The following PSORS1C1 variants were observed in gnomAD, a reference collection of about 807,000 sequenced individuals.
PSORS1C1 encodes psoriasis susceptibility 1 candidate 1, also known as psoriasis susceptibility 1 candidate gene 1 protein.
PSORS1C1 carries 7 observed loss-of-function variants against 9.4 expected under a neutral mutation model. That is an observed-to-expected ratio of 0.75 (90% CI 0.42 to 1.40). PSORS1C1 has a LOEUF of 1.40. Among genes scored for constraint, PSORS1C1 ranks in the 40% most tolerant of loss-of-function variants. PSORS1C1 has a pLI of 0.01. For missense variants in PSORS1C1, 146 were observed against 178.1 expected, an observed-to-expected ratio of 0.82 and a Z score of 1.02; for synonymous variants, 63 against 69.4, an observed-to-expected ratio of 0.91 and a Z score of 0.46.
chr6:31,120,559 G>C, intron 1 of PSORS1C1: 1 of 745,840 alleles, frequency 1.3e-6, no homozygotes, highest in Non-Finnish European at 2.3e-6. Context: ...GGGGAAGTTG[G>C]TGTGGCCGGG....
chr6:31,120,976 T>A (rs1176591936), intron 1 of PSORS1C1, among the ~76,000 whole-genome samples: 1 of 138,360 alleles, frequency 7.2e-6, no homozygotes, highest in Non-Finnish European at 1.5e-5. Flanking sequence ...ACTTTCCTCC[T>A]TCAAATATGA....
intron 3 of PSORS1C1, 69 bp from the exon 4 acceptor site, chr6:31,138,361 C>T (rs1215190716): frequency 2.5e-6 from 4 of 1,593,264 alleles, no homozygotes; most frequent in Middle Eastern, 1.7e-4. Flanking sequence ...CTCCCCAGCC[C>T]CACCCAGCCC....
At chr6:31,117,072 G>A in intron 1 of PSORS1C1, 6 of 1,614,212 alleles carry the variant, frequency 3.7e-6, no homozygotes, top group Non-Finnish European at 4.2e-6. Context: ...CGCGGTAAGA[G>A]TTGTCATTGG....
intron 3 of PSORS1C1, among the ~76,000 whole-genome samples, chr6:31,137,100 A>T (rs1339282156): frequency 6.6e-6 from 1 of 151,682 alleles, no homozygotes; most frequent in Non-Finnish European, 1.5e-5. Context: ...GTGAGCCGAG[A>T]TCGTGCCATT....
intron 2 of PSORS1C1, among the ~76,000 whole-genome samples, chr6:31,127,174 C>CCGGAAAG (rs1772717119): frequency 6.6e-6 from 1 of 152,148 alleles, no homozygotes; most frequent in Non-Finnish European, 1.5e-5. Context: ...AGAGGAGAGG[C>CCGGAAAG]CGGAAAGACT....
rs756538487 is a variant in PSORS1C1 at position 31,116,945 on chromosome 6, C to T, written c.-229+2054C>T. 5 of 1,614,122 alleles carry T rather than the reference C, an allele frequency of 3.1e-6. No individual in the cohort carries two copies. The East Asian group carries it at 6.7e-5, about 22-fold the overall frequency. ...ATGGGCCCTCCACTGCAGGGAGAGT[C>T]GGGGATGTCCGAACTACAGGGACGC... On this transcript the variant is annotated intron_variant, in intron 1 of 5. Transcript: ENST00000259881.
chr6:31,116,885 G>A, intron 1 of PSORS1C1: 1 of 1,614,064 alleles, frequency 6.2e-7, no homozygotes, highest in Non-Finnish European at 8.5e-7. Flanking sequence ...GACACAGAGT[G>A]GGAGCTGGGG....
chr6:31,123,992 C>T (rs1054949343), intron 1 of PSORS1C1, among the ~76,000 whole-genome samples: 5 of 152,236 alleles, frequency 3.3e-5, no homozygotes, highest in African/African-American at 9.6e-5. Flanking sequence ...TGTGGTGCTT[C>T]AGGTGTATTT....
intron 1 of PSORS1C1, chr6:31,117,857 G>A: frequency 2.8e-6 from 1 of 361,934 alleles, no homozygotes; most frequent in Non-Finnish European, 5.1e-6. Context: ...CCAGCACTTT[G>A]GGAGGCCGAG....
chr6:31,117,078 A>G (rs758459403), intron 1 of PSORS1C1: 2 of 1,614,188 alleles, frequency 1.2e-6, no homozygotes, highest in Admixed American at 3.3e-5. Flanking sequence ...AAGAGTTGTC[A>G]TTGGTTGGCA....
chr6:31,123,279 C>A (rs183938670), intron 1 of PSORS1C1, among the ~76,000 whole-genome samples: 7 of 152,364 alleles, frequency 4.6e-5, no homozygotes, highest in Admixed American at 1.3e-4. Flanking sequence ...CCTGTGGGCC[C>A]TTGAGCTCTA....
intron 1 of PSORS1C1, among the ~76,000 whole-genome samples, chr6:31,122,825 T>C (rs9295954): frequency 0.025 from 3,842 of 152,120 alleles, 126 homozygotes; most frequent in African/African-American, 0.074. Context: ...TTTCCTCCTG[T>C]GGGCCTCCCT....
rs771815084 is a variant in PSORS1C1 at position 31,139,621 on chromosome 6, T to C, written c.168-20T>C. ...CCCATGGGATCCAGGCATCCTGCTCTCCACCATGTCCTTCTTCAGGCATGC... is the reference window on the plus strand; with the variant it reads ...CCCATGGGATCCAGGCATCCTGCTCCCCACCATGTCCTTCTTCAGGCATGC... On this transcript the variant is annotated intron_variant, in intron 5 of 5. Transcript: ENST00000259881. The surrounding 1 kb of genome is among the most constrained non-coding windows in gnomAD (Gnocchi z 5.2). 4.4e-6 allele frequency: 7 copies of C among 1,606,000 alleles called. No individual in the cohort carries two copies. The highest frequency in any genetic ancestry group is 1.7e-6 in the Non-Finnish European group (2 of 1,174,822).
chr6:31,117,327 G>A (rs140780181), intron 1 of PSORS1C1: 35 of 1,577,102 alleles, frequency 2.2e-5, no homozygotes, highest in Non-Finnish European at 2.9e-5. Flanking sequence ...CCTGGGCAAT[G>A]CTGGATCCGC....
intron 1 of PSORS1C1, chr6:31,117,090 A>G (rs1189951206): frequency 6.2e-7 from 1 of 1,614,206 alleles, no homozygotes. Context: ...TGGTTGGCAG[A>G]GCAGAGCCAT....
intron 4 of PSORS1C1, 79 bp downstream of exon 4, chr6:31,138,538 C>A: frequency 6.2e-7 from 1 of 1,604,866 alleles, no homozygotes; most frequent in Non-Finnish European, 8.5e-7. Flanking sequence ...TCACTTGACC[C>A]ACTTTAAACT....
chr6:31,120,091 T>C (rs1048290892), intron 1 of PSORS1C1, among the ~76,000 whole-genome samples: 3 of 151,990 alleles, frequency 2.0e-5, no homozygotes, highest in African/African-American at 7.3e-5. Flanking sequence ...CCAAAGTACA[T>C]ATCACATACA....
At chr6:31,116,120 TG>T (rs753865872) in intron 1 of PSORS1C1, 2 of 1,610,982 alleles carry the variant, frequency 1.2e-6, no homozygotes, top group Admixed American at 3.3e-5. Context: ...ATATCCCGGA[TG>T]GAGCGGCAGG....
intron 3 of PSORS1C1, chr6:31,138,073 G>T: frequency 6.4e-7 from 1 of 1,562,412 alleles, no homozygotes; most frequent in South Asian, 1.2e-5. Context: ...GGGTCGTCAG[G>T]CCGGGGAGGT....
Sources: allele counts gnomAD v4.1 joint callset (sites outside exome capture counted in the v4.1 genomes callset), GRCh38; gene constraint gnomAD v4.1.1; non-coding constraint Gnocchi (gnomAD v3.1); transcripts MANE v1.5; gene names NCBI Gene and HGNC (gene_info 2026-07-23, HGNC 2026-07-21).